PCLO: variants seen among roughly 807,000 people sequenced by gnomAD.
The protein encoded by PCLO is protein piccolo.
Under a neutral mutation model 427.5 loss-of-function variants are expected in PCLO, and 82 were observed. The observed-to-expected ratio is 0.19, with a 90% confidence interval of 0.16 to 0.23. The LOEUF is 0.23. Among genes scored for constraint, PCLO ranks in the 10% least tolerant of loss-of-function variants. PCLO has a pLI of 1.00. For synonymous variants in PCLO, 2,357 were observed against 2,155.4 expected, an observed-to-expected ratio of 1.09 and a Z score of -2.59; for missense variants, 6,239 against 6,115.9, an observed-to-expected ratio of 1.02 and a Z score of -0.67.
At chr7:83,132,768 T>C (rs964767546) in intron 3 of PCLO, among the ~76,000 whole-genome samples, 1 of 152,112 alleles carries the variant, frequency 6.6e-6, no homozygotes, top group Admixed American at 6.5e-5. Context: ...ATAACTTCAT[T>C]GTGTTGATAC....
chr7:83,128,997 A>C (rs1791508215), intron 3 of PCLO, among the ~76,000 whole-genome samples: 1 of 152,162 alleles, frequency 6.6e-6, no homozygotes, highest in Non-Finnish European at 1.5e-5. Flanking sequence ...TATATTTACA[A>C]ATTTGTTGGT....
chr7:82,931,474 G>A (rs1354953048), intron 6 of PCLO, among the ~76,000 whole-genome samples: 3 of 152,080 alleles, frequency 2.0e-5, no homozygotes, highest in Non-Finnish European at 4.4e-5. Flanking sequence ...TCTTGCTCAT[G>A]GTTTCTCACA....
intron 9 of PCLO, among the ~76,000 whole-genome samples, chr7:82,884,698 C>T (rs1793589196): frequency 2.0e-5 from 3 of 152,100 alleles, no homozygotes. Context: ...TGATATGAAA[C>T]TGGATGTCAC....
intron 3 of PCLO, among the ~76,000 whole-genome samples, chr7:83,086,220 C>T (rs1790228784): frequency 1.3e-5 from 2 of 151,812 alleles, no homozygotes; most frequent in Non-Finnish European, 2.9e-5. Context: ...AAGCGATTCT[C>T]TTGCCTCAGC....
intron 24 of PCLO, among the ~76,000 whole-genome samples, chr7:82,759,826 G>A (rs1297762299): frequency 5.9e-5 from 9 of 151,910 alleles, no homozygotes; most frequent in African/African-American, 2.2e-4. Flanking sequence ...TGTGCAGGCT[G>A]TAGGCAATGA....
intron 10 of PCLO, among the ~76,000 whole-genome samples, chr7:82,876,868 T>C (rs1793386061): frequency 6.6e-6 from 1 of 152,116 alleles, no homozygotes. Context: ...AGAACTGGAC[T>C]TCAATCAGAG....
chr7:83,019,984 GAAGT>G (rs1003187924), intron 3 of PCLO, among the ~76,000 whole-genome samples: 7 of 152,122 alleles, frequency 4.6e-5, no homozygotes, highest in Non-Finnish European at 8.8e-5. Context: ...GTAGCTCTCA[GAAGT>G]AAGAGTCTAA....
Position 83,155,260 on chromosome 7 carries a change from C to G in PCLO, c.1381G>C (p.Ala461Pro). The change falls in exon 2 of 25, where the codon GCC becomes CCC. Residue 461 changes from alanine to proline, a missense_variant. Ala to Pro is a conservative substitution (Grantham distance 27). Transcript: ENST00000333891. ...GGCTTTGTTGGGCCAGTCTGCTGGGCAGAAGTCTTTCCGGGTCCTGCCTGT... is the reference window on the plus strand; with the variant it reads ...GGCTTTGTTGGGCCAGTCTGCTGGGGAGAAGTCTTTCCGGGTCCTGCCTGT... ...AQQAGPGKTSAQQTGPTKPPS... is the reference protein window; with the variant it reads ...AQQAGPGKTSPQQTGPTKPPS... 6.2e-7 allele frequency: 1 copy of G among 1,613,640 alleles called. No homozygotes were observed. The highest frequency in any genetic ancestry group is 8.5e-7 in the Non-Finnish European group (1 of 1,179,816).
At chr7:82,860,643 G>A (rs1190213742) in intron 10 of PCLO, among the ~76,000 whole-genome samples, 3 of 151,994 alleles carry the variant, frequency 2.0e-5, no homozygotes, top group African/African-American at 4.8e-5. Context: ...GTAATAGTAT[G>A]TACACAGAGA....
intron 20 of PCLO, among the ~76,000 whole-genome samples, chr7:82,808,061 A>G (rs1383421552): frequency 6.6e-6 from 1 of 151,968 alleles, no homozygotes; most frequent in Non-Finnish European, 1.5e-5. Context: ...AAAATGCATA[A>G]CCTACATAAT....
At chr7:82,973,462 A>G (rs968706237) in intron 3 of PCLO, among the ~76,000 whole-genome samples, 4 of 152,192 alleles carry the variant, frequency 2.6e-5, no homozygotes, top group African/African-American at 9.6e-5. Flanking sequence ...AGAAATAAAA[A>G]TAGTCAACAT....
In PCLO at chr7:82,951,299, T is replaced by G. The variant is rs1388831003; in HGVS notation, c.9289A>C (p.Thr3097Pro). Residue 3097 changes from threonine to proline, a missense_variant, in exon 6 of 25, where the codon ACA becomes CCA. This residue lies in a region of PCLO where 4,677 missense variants were observed against 4,468.4 expected (regional missense o/e 1.05). Coordinates refer to ENST00000333891, the MANE Select transcript of PCLO (RefSeq NM_033026.6). ...GVVYSSVATP[T>P]PSTFAITTQP... ...GTGGTGATAGCAAATGTAGAGGGTG[T>G]TGGAGTTGCTACTGAAGAATAGACA... 6.2e-7 allele frequency: 1 copy of G among 1,612,978 alleles called. No individual in the cohort carries two copies. The highest frequency in any genetic ancestry group is 8.5e-7 in the Non-Finnish European group (1 of 1,179,528).
At chr7:83,142,776 T>C (rs922756950) in intron 2 of PCLO, among the ~76,000 whole-genome samples, 2 of 152,086 alleles carry the variant, frequency 1.3e-5, no homozygotes, top group South Asian at 2.1e-4. Context: ...CTGGCCAATA[T>C]GGTGAAACCC....
chr7:83,115,030 A>T (rs1437139463), intron 3 of PCLO, among the ~76,000 whole-genome samples: 1 of 152,044 alleles, frequency 6.6e-6, no homozygotes, highest in Non-Finnish European at 1.5e-5. Context: ...TACTCATGTT[A>T]TTGCAGTATG....
intron 3 of PCLO, among the ~76,000 whole-genome samples, chr7:82,999,179 A>G (rs1288372627): frequency 1.4e-5 from 2 of 146,746 alleles, no homozygotes; most frequent in Non-Finnish European, 3.0e-5. Context: ...AAAACAACAG[A>G]ATAGAATATT....
intron 3 of PCLO, among the ~76,000 whole-genome samples, chr7:82,974,986 C>A (rs1583861153): frequency 6.6e-6 from 1 of 152,116 alleles, no homozygotes; most frequent in South Asian, 2.1e-4. Context: ...ACCGTATTAG[C>A]CAGGATTGTC....
At chr7:83,062,368 A>G (rs776894523) in intron 3 of PCLO, among the ~76,000 whole-genome samples, 63 of 152,184 alleles carry the variant, frequency 4.1e-4, no homozygotes, top group Non-Finnish European at 7.5e-4. Context: ...AAGGGAAATC[A>G]TATCTAAGCC....
rs375220080 is a variant in PCLO at position 83,131,340 on chromosome 7, G to A, written c.3300+2910C>T. The stretch of plus-strand genomic sequence containing the variant: ...GCAGGCAGCCGTTGGCACTCCTCAG[G>A]TACAGTGGGAGGTGTTATGTATGAG... On this transcript the variant is annotated intron_variant, in intron 3 of 24. Transcript: ENST00000333891. Among the ~76,000 whole-genome samples the A allele has an allele frequency of 2.2e-4, 34 of 152,230 alleles. No homozygotes were observed. The East Asian group carries it at 5.6e-3, about 25-fold the overall frequency.
intron 2 of PCLO, among the ~76,000 whole-genome samples, chr7:83,144,440 T>C (rs1791942767): frequency 6.6e-6 from 1 of 152,018 alleles, no homozygotes; most frequent in Non-Finnish European, 1.5e-5. Context: ...GATAAAAATA[T>C]ATGAAATCCT....
Sources: allele counts gnomAD v4.1 joint callset (sites outside exome capture counted in the v4.1 genomes callset), GRCh38; gene constraint gnomAD v4.1.1; regional missense constraint gnomAD v4.1.1; transcripts MANE v1.5; gene names NCBI Gene and HGNC (gene_info 2026-07-23, HGNC 2026-07-21).